The following NHEJ1 variants were observed in gnomAD, a reference collection of about 807,000 sequenced individuals.
NHEJ1 encodes non-homologous end joining factor 1, also known as non-homologous end-joining factor 1.
Under a neutral mutation model 39.4 loss-of-function variants are expected in NHEJ1, and 22 were observed. The ratio of observed to expected loss-of-function variants is 0.56; its 90% CI spans 0.40 to 0.80. The LOEUF (loss-of-function observed/expected upper bound fraction) is 0.80. NHEJ1 is among the 30% of genes least tolerant of loss of function. The probability of loss-of-function intolerance (pLI) is 0.00; values close to 1 mark genes in which losing one functional copy is unlikely to be tolerated. For synonymous variants in NHEJ1, 154 were observed against 135.6 expected (o/e 1.14, Z -0.94); for missense variants, 329 against 357.1 (o/e 0.92, Z 0.63).
intron 5 of NHEJ1, 129 bp from the exon 6 acceptor site, chr2:219,078,335 G>C (rs1012231513): frequency 1.2e-6 from 1 of 809,132 alleles, no homozygotes; most frequent in African/African-American, 1.7e-5. Context: ...AATAGGGGGC[G>C]ACCATATCCA....
At chr2:219,133,970 A>G (rs757426612) in intron 5 of NHEJ1, among the ~76,000 whole-genome samples, 4 of 152,156 alleles carry the variant, frequency 2.6e-5, no homozygotes, top group Non-Finnish European at 4.4e-5. Context: ...GCCTTCAAAC[A>G]CATATGCATC....
intron 5 of NHEJ1, among the ~76,000 whole-genome samples, chr2:219,129,908 C>A (rs1338235068): frequency 6.6e-6 from 1 of 152,058 alleles, no homozygotes; most frequent in African/African-American, 2.4e-5. Context: ...GTTTTTACTG[C>A]CGAGGTTTCT....
chr2:219,140,661 G>A (rs1013665360), intron 5 of NHEJ1, among the ~76,000 whole-genome samples: 1 of 152,108 alleles, frequency 6.6e-6, no homozygotes, highest in Admixed American at 6.5e-5. Flanking sequence ...GGGGGTTGTT[G>A]GAAAAGTAAA....
chr2:219,158,009 A>T lies in NHEJ1; in HGVS notation c.177+177T>A, dbSNP rs919474825. On this transcript the variant is annotated intron_variant, in intron 2 of 7. Coordinates refer to ENST00000356853, the MANE Select transcript of NHEJ1 (RefSeq NM_024782.3). Reference sequence around the variant, plus strand: ...CTCTCTCTCACACACACACACACACACACACACACACACACACACACACAC... The same window carrying T: ...CTCTCTCTCACACACACACACACACTCACACACACACACACACACACACAC... 2.9e-3 allele frequency among the ~76,000 whole-genome samples: 433 copies of T among 150,030 alleles called. 1 individual carries two copies. Among genetic ancestry groups the T allele is most frequent in the African/African-American group, 9.4e-3 (378 of 40,134 alleles).
At chr2:219,091,841 T>C (rs1444779205) in intron 5 of NHEJ1, among the ~76,000 whole-genome samples, 1 of 151,884 alleles carries the variant, frequency 6.6e-6, no homozygotes, top group Admixed American at 6.6e-5. Flanking sequence ...ATATGAAGTA[T>C]GTGTGTATAT....
intron 5 of NHEJ1, among the ~76,000 whole-genome samples, chr2:219,106,263 T>A (rs1032062777): frequency 4.2e-4 from 64 of 152,062 alleles, no homozygotes; most frequent in African/African-American, 1.5e-3. Flanking sequence ...ACTGTAGAGA[T>A]AAGTTTGAAG....
At chr2:219,139,746 G>A (rs563721682) in intron 5 of NHEJ1, among the ~76,000 whole-genome samples, 2 of 152,006 alleles carry the variant, frequency 1.3e-5, no homozygotes, top group East Asian at 3.9e-4. Context: ...GCACGATCTC[G>A]GCTCACTGCA....
Position 219,122,951 on chromosome 2 carries a change from C to T in NHEJ1, c.588+23729G>A, listed in dbSNP as rs557897101. On this transcript the variant is annotated intron_variant, in intron 5 of 7. Transcript: ENST00000356853. ...CGGAGGCCAGTTTGGAGCTTGGCCC[C>T]TATGCAAACACTGGGCACACAGGCA... 2.6e-5 allele frequency among the ~76,000 whole-genome samples: 4 copies of T among 152,292 alleles called. No homozygotes were observed. In the East Asian group the frequency reaches 7.7e-4, roughly 29 times the overall value.
At chr2:219,087,598 T>C (rs1949123151) in intron 5 of NHEJ1, among the ~76,000 whole-genome samples, 1 of 152,096 alleles carries the variant, frequency 6.6e-6, no homozygotes, top group Admixed American at 6.5e-5. Context: ...TGCCTGCCTC[T>C]CTGGAGGGTG....
At chr2:219,139,659 G>GT (rs1949671223) in intron 5 of NHEJ1, among the ~76,000 whole-genome samples, 1 of 151,996 alleles carries the variant, frequency 6.6e-6, no homozygotes, top group Non-Finnish European at 1.5e-5. Context: ...TGTGTTTTTG[G>GT]TTTTTTGGGG....
chr2:219,070,095 T>A lies in NHEJ1; in HGVS notation c.*6286A>T, dbSNP rs917344883. Among the ~76,000 whole-genome samples, 6 of 152,246 alleles carry A rather than the reference T, an allele frequency of 3.9e-5. No homozygotes were observed. Among genetic ancestry groups the A allele is most frequent in the African/African-American group, 1.4e-4 (6 of 41,468 alleles). ...CAGGGGCATTATGCTCCTTGCTGAA[T>A]GGCCACAAACTGCCTGTGTTCAATA... is the stretch of plus-strand genomic sequence containing the variant. On this transcript the variant is annotated 3_prime_UTR_variant, in exon 8 of 8. Coordinates refer to ENST00000356853, the MANE Select transcript of NHEJ1 (RefSeq NM_024782.3).
At chr2:219,092,705 C>T (rs767717570) in intron 5 of NHEJ1, among the ~76,000 whole-genome samples, 56 of 152,202 alleles carry the variant, frequency 3.7e-4, no homozygotes, top group Non-Finnish European at 6.9e-4. Context: ...TGTAAAGGCT[C>T]TCATTGGGTA....
intron 5 of NHEJ1, among the ~76,000 whole-genome samples, chr2:219,116,384 T>C (rs1949416791): frequency 6.6e-6 from 1 of 151,612 alleles, no homozygotes; most frequent in African/African-American, 2.4e-5. Flanking sequence ...TGAAACAGGG[T>C]CTCACTTTGT....
chr2:219,147,533 G>T, intron 4 of NHEJ1, 124 bp downstream of exon 4: 1 of 1,151,400 alleles, frequency 8.7e-7, no homozygotes. Context: ...CCAGTTTCTG[G>T]TTAGTATTCA....
chr2:219,107,477 C>A (rs954484270), intron 5 of NHEJ1, among the ~76,000 whole-genome samples: 2 of 152,146 alleles, frequency 1.3e-5, no homozygotes, highest in Admixed American at 6.5e-5. Context: ...AAACCCAGGG[C>A]AGATGACAGG....
intron 5 of NHEJ1, among the ~76,000 whole-genome samples, chr2:219,106,504 G>A (rs1949314889): frequency 6.6e-6 from 1 of 152,162 alleles, no homozygotes; most frequent in Admixed American, 6.5e-5. Context: ...GGAGATCAAA[G>A]CCCTGTGACA....
intron 3 of NHEJ1, 131 bp downstream of exon 3, chr2:219,157,341 T>C: frequency 1.3e-6 from 1 of 762,376 alleles, no homozygotes; most frequent in Admixed American, 2.1e-5. Flanking sequence ...TTGCCTTCTG[T>C]TTAGTCAAGG....
chr2:219,114,954 C>T (rs893747804), intron 5 of NHEJ1, among the ~76,000 whole-genome samples: 6 of 152,154 alleles, frequency 3.9e-5, no homozygotes, highest in African/African-American at 1.4e-4. Context: ...GCTGTTAAAA[C>T]ACACAAAACT....
At chr2:219,086,886 C>T (rs1369414053) in intron 5 of NHEJ1, among the ~76,000 whole-genome samples, 2 of 152,140 alleles carry the variant, frequency 1.3e-5, no homozygotes, top group Non-Finnish European at 2.9e-5. Flanking sequence ...ATAACCACCC[C>T]CTCCCCTTTG....
Sources: gnomAD v4.1 joint callset for allele counts (sites outside exome capture counted in the v4.1 genomes callset) on GRCh38, gnomAD v4.1.1 for gene constraint, MANE v1.5 for transcripts, NCBI Gene and HGNC (gene_info 2026-07-23, HGNC 2026-07-21) for gene names.